The following ELF2 variants were observed in gnomAD, a reference collection of about 807,000 sequenced individuals.
ELF2 encodes ETS-related transcription factor Elf-2.
In ELF2, 11 loss-of-function variants were observed where a neutral mutation model predicts 54.8. That is an observed-to-expected ratio of 0.20 (90% CI 0.13 to 0.33). The LOEUF (loss-of-function observed/expected upper bound fraction) is 0.33. ELF2 is among the 10% of genes least tolerant of loss of function. The pLI is 1.00. For missense variants in ELF2, 513 were observed against 703.0 expected (o/e 0.73, Z 3.06); for synonymous variants, 203 against 245.1 (o/e 0.83, Z 1.61).
intron 1 of ELF2, among the ~76,000 whole-genome samples, chr4:139,156,051 A>T (rs1206204626): frequency 6.6e-6 from 1 of 152,238 alleles, no homozygotes; most frequent in Non-Finnish European, 1.5e-5. Flanking sequence ...CATAAAAATA[A>T]CTTTTCATTT....
At chr4:139,132,841 CATATATATATAT>C (rs58765596) in intron 3 of ELF2, among the ~76,000 whole-genome samples, 35 of 115,032 alleles carry the variant, frequency 3.0e-4, no homozygotes, top group African/African-American at 7.3e-4. Context: ...TATTACTTTA[CATATATATATAT>C]ATATATATAT....
chr4:139,058,889 A>G lies in ELF2; in HGVS notation c.*94T>C, dbSNP rs1553949123. ...TTTGTATATGCATTAAAAATGTTTT[A>G]AAGTCTTCTTTGACTTTTCTTGATG... On this transcript the variant is annotated 3_prime_UTR_variant, in exon 10 of 10. Coordinates refer to ENST00000686138, the MANE Select transcript of ELF2 (RefSeq NM_001331036.3). 4.7e-6 allele frequency: 7 copies of G among 1,494,112 alleles called. No homozygotes were observed. The highest frequency in any genetic ancestry group is 4.2e-5 in the African/African-American group (3 of 71,330). 92.6% of individuals were successfully genotyped at this position (1,494,112 alleles called of 1,614,324 possible).
At chr4:139,158,838 C>CA (rs1740807458) in intron 1 of ELF2, among the ~76,000 whole-genome samples, 1 of 152,058 alleles carries the variant, frequency 6.6e-6, no homozygotes, top group African/African-American at 2.4e-5. Flanking sequence ...CTATTCTTGA[C>CA]AGAGTCCTTT....
intron 4 of ELF2, among the ~76,000 whole-genome samples, chr4:139,085,750 T>C (rs549886532): frequency 1.3e-5 from 2 of 152,332 alleles, no homozygotes; most frequent in Admixed American, 1.3e-4. Context: ...GTAGCTTTTA[T>C]ATTTTATTGC....
intron 4 of ELF2, among the ~76,000 whole-genome samples, chr4:139,114,642 CT>C (rs59282364): frequency 0.032 from 3,396 of 104,800 alleles, 118 homozygotes; most frequent in South Asian, 0.17. Flanking sequence ...TTTTTTCTTT[CT>C]TTTTTTTTTT....
At chr4:139,092,223 G>C (rs1163709546) in intron 4 of ELF2, among the ~76,000 whole-genome samples, 1 of 151,216 alleles carries the variant, frequency 6.6e-6, no homozygotes, top group African/African-American at 2.4e-5. Flanking sequence ...TTAGCTGGGC[G>C]TGGTGGCAGG....
chr4:139,084,362 C>A (rs1012240667), intron 4 of ELF2: 2 of 1,482,202 alleles, frequency 1.3e-6, no homozygotes. Context: ...GACAGGAAGC[C>A]GAGGCCGGCC....
intron 4 of ELF2, among the ~76,000 whole-genome samples, chr4:139,109,439 A>C (rs968016193): frequency 2.0e-5 from 3 of 152,226 alleles, no homozygotes; most frequent in Admixed American, 6.5e-5. Flanking sequence ...TGACTGTGCC[A>C]AAGTAGTACT....
At chr4:139,158,101 G>A (rs571911924) in intron 1 of ELF2, among the ~76,000 whole-genome samples, 3 of 152,214 alleles carry the variant, frequency 2.0e-5, no homozygotes, top group East Asian at 1.9e-4. Context: ...GGGTGGGAAC[G>A]TTTTATAGGA....
At chr4:139,113,467 A>G (rs969223038) in intron 4 of ELF2, among the ~76,000 whole-genome samples, 1 of 152,164 alleles carries the variant, frequency 6.6e-6, no homozygotes, top group Admixed American at 6.5e-5. Context: ...AGGCTGAGAC[A>G]GGAGAATCAC....
intron 1 of ELF2, among the ~76,000 whole-genome samples, chr4:139,157,291 G>A (rs1029687412): frequency 5.9e-5 from 9 of 152,138 alleles, no homozygotes; most frequent in African/African-American, 2.2e-4. Flanking sequence ...CAGGACTACT[G>A]TTGTGTATCT....
chr4:139,078,810 T>C (rs1397421782), intron 4 of ELF2, among the ~76,000 whole-genome samples: 1 of 152,172 alleles, frequency 6.6e-6, no homozygotes, highest in Admixed American at 6.5e-5. Flanking sequence ...CTCAAAATAC[T>C]GAAGACCTCG....
intron 4 of ELF2, among the ~76,000 whole-genome samples, chr4:139,105,856 C>A (rs1469217307): frequency 1.3e-5 from 2 of 152,188 alleles, no homozygotes; most frequent in South Asian, 4.1e-4. Flanking sequence ...GACACCACTG[C>A]ACTCCATCTT....
chr4:139,144,845 G>A (rs559462571), intron 1 of ELF2, among the ~76,000 whole-genome samples: 18 of 152,310 alleles, frequency 1.2e-4, no homozygotes, highest in African/African-American at 4.3e-4. Flanking sequence ...CACCACACAT[G>A]CAGAGCCAAA....
rs142286698 is a variant in ELF2 at position 139,145,672 on chromosome 4, C to T, written c.-251-6175G>A. Among the ~76,000 whole-genome samples the T allele has an allele frequency of 6.4e-3, 967 of 152,206 alleles. 13 individuals are homozygous for T. Among genetic ancestry groups the T allele is most frequent in the African/African-American group, 0.022 (931 of 41,516 alleles). Reference sequence around the variant, plus strand: ...TACTAGCTAACCAAATCAAATGGCACATCAAAAAGATAATACACCATGATC... The same window carrying T: ...TACTAGCTAACCAAATCAAATGGCATATCAAAAAGATAATACACCATGATC... On this transcript the variant is annotated intron_variant, in intron 1 of 9. Transcript: ENST00000686138.
Position 139,176,980 on chromosome 4 carries a change from C to T in ELF2, c.-265G>A, listed in dbSNP as rs1743022484. On this transcript the variant is annotated 5_prime_UTR_variant, in exon 1 of 10. Coordinates refer to ENST00000686138, the MANE Select transcript of ELF2 (RefSeq NM_001331036.3). ...CCGCGCTCTTACCTGCTCTCCGCGA[C>T]GCCTGGGAAGACCGCGGCGTCCTTT... The T allele has an allele frequency of 6.6e-6, 1 of 152,224 alleles. No individual in the cohort carries two copies. The highest frequency in any genetic ancestry group is 1.5e-5 in the Non-Finnish European group (1 of 68,062). 9.4% of individuals were successfully genotyped at this position (152,224 alleles called of 1,614,324 possible). A position where few individuals can be genotyped will look rare whatever the true frequency, so the allele number is the denominator to read the frequency against.
At chr4:139,116,300 A>G (rs959407481) in intron 4 of ELF2, among the ~76,000 whole-genome samples, 5 of 151,932 alleles carry the variant, frequency 3.3e-5, no homozygotes, top group East Asian at 3.8e-4. Flanking sequence ...TAATTGGGGG[A>G]AAAAAACACT....
intron 1 of ELF2, among the ~76,000 whole-genome samples, chr4:139,173,891 T>C (rs564582688): frequency 2.2e-3 from 332 of 151,566 alleles, no homozygotes; most frequent in African/African-American, 7.7e-3. Context: ...AGTTCAAGAC[T>C]ACCCTGGGTA....
Position 139,071,857 on chromosome 4 carries a change from A to G in ELF2, c.526+9T>C, listed in dbSNP as rs1159003655. The stretch of plus-strand genomic sequence containing the variant: ...CCTGCCTTCTCAGAAATGTATAAAT[A>G]TACTCTACCTTTTTTCTTTTTCATT... On this transcript the variant is annotated intron_variant, in intron 6 of 9. Coordinates refer to ENST00000686138, the MANE Select transcript of ELF2 (RefSeq NM_001331036.3). 4.4e-6 allele frequency: 7 copies of G among 1,579,120 alleles called. No individual in the cohort carries two copies. The South Asian group carries it at 5.9e-5, about 13-fold the overall frequency.
Sources: allele counts gnomAD v4.1 joint callset (sites outside exome capture counted in the v4.1 genomes callset), GRCh38; gene constraint gnomAD v4.1.1; transcripts MANE v1.5; gene names NCBI Gene and HGNC (gene_info 2026-07-23, HGNC 2026-07-21).